Variants in MYO1E observed in about 807,000 individuals in gnomAD.
MYO1E encodes unconventional myosin-Ie.
A neutral mutation model predicts 151.1 loss-of-function variants in MYO1E; 68 were observed. That is an observed-to-expected ratio of 0.45 (90% CI 0.37 to 0.55). The LOEUF is 0.55. MYO1E is among the 20% of genes least tolerant of loss of function. The probability of loss-of-function intolerance (pLI) is 0.00; values close to 1 mark genes in which losing one functional copy is unlikely to be tolerated. For missense variants in MYO1E, 1,363 were observed against 1,389.3 expected, an observed-to-expected ratio of 0.98 and a Z score of 0.30; for synonymous variants, 601 against 501.7, an observed-to-expected ratio of 1.20 and a Z score of -2.64.
intron 22 of MYO1E, 57 bp from the exon 23 acceptor site, chr15:59,163,360 T>A: frequency 6.5e-7 from 1 of 1,547,792 alleles, no homozygotes; most frequent in Non-Finnish European, 8.8e-7. Context: ...TTTACTCTAT[T>A]GTTTTTTTTT....
At chr15:59,230,210 G>C (rs1489273815) in intron 6 of MYO1E, among the ~76,000 whole-genome samples, 3 of 119,970 alleles carry the variant, frequency 2.5e-5, no homozygotes, top group Middle Eastern at 3.9e-3. Flanking sequence ...GAGAGAGAGA[G>C]AGACAGTGTG....
At chr15:59,371,412 G>T (rs2080943580) in intron 1 of MYO1E, among the ~76,000 whole-genome samples, 1 of 149,240 alleles carries the variant, frequency 6.7e-6, no homozygotes, top group East Asian at 2.0e-4. Context: ...AGCAAGTGTG[G>T]AAACTATGAA....
At chr15:59,148,229 T>G (rs1053611464) in intron 26 of MYO1E, among the ~76,000 whole-genome samples, 1 of 151,986 alleles carries the variant, frequency 6.6e-6, no homozygotes, top group Non-Finnish European at 1.5e-5. Context: ...AGAAGGCACA[T>G]GGCTCAGTAA....
intron 15 of MYO1E, among the ~76,000 whole-genome samples, chr15:59,204,154 C>G (rs550383663): frequency 1.3e-5 from 2 of 152,114 alleles, no homozygotes; most frequent in African/African-American, 2.4e-5. Flanking sequence ...TTGTGGCTTA[C>G]CTAAACATCT....
At chr15:59,249,178 C>T (rs1391189037) in intron 4 of MYO1E, among the ~76,000 whole-genome samples, 1 of 152,216 alleles carries the variant, frequency 6.6e-6, no homozygotes, top group African/African-American at 2.4e-5. Flanking sequence ...AATCCCAGCA[C>T]TTTGGGAGGC....
chr15:59,272,669 T>C (rs149454954), intron 1 of MYO1E, among the ~76,000 whole-genome samples: 3 of 152,350 alleles, frequency 2.0e-5, no homozygotes, highest in South Asian at 2.1e-4. Flanking sequence ...CATGTGTCCC[T>C]GAAGTGACAC....
rs2079371637 is a variant in MYO1E at position 59,136,174 on chromosome 15, T to A, written c.*1206A>T. 6.6e-6 allele frequency: 1 copy of A among 152,494 alleles called. No individual in the cohort carries two copies. The highest frequency in any genetic ancestry group is 1.5e-5 in the Non-Finnish European group (1 of 68,282). The allele number at this position is 152,494 out of a possible 1,614,324, so 9.4% of individuals were successfully genotyped here. On this transcript the variant is annotated 3_prime_UTR_variant, in exon 28 of 28. Coordinates refer to ENST00000288235, the MANE Select transcript of MYO1E (RefSeq NM_004998.4). ...GTCTCTGTGTCCAAATTTCCCCTTT[T>A]CATCAGGACACCATTATATTGGATT...
At chr15:59,360,528 T>C (rs540897418) in intron 1 of MYO1E, among the ~76,000 whole-genome samples, 42 of 152,344 alleles carry the variant, frequency 2.8e-4, no homozygotes, top group African/African-American at 9.6e-4. Context: ...TTTGGCATGA[T>C]TCATTGCTCT....
At chr15:59,357,213 TAAG>T (rs2080859305) in intron 1 of MYO1E, among the ~76,000 whole-genome samples, 1 of 151,836 alleles carries the variant, frequency 6.6e-6, no homozygotes, top group African/African-American at 2.4e-5. Flanking sequence ...GTCCTCTCAT[TAAG>T]TTTTAAAATA....
chr15:59,256,482 T>A, intron 3 of MYO1E, 104 bp from the exon 4 acceptor site: 1 of 613,494 alleles, frequency 1.6e-6, no homozygotes, highest in South Asian at 2.3e-5. Context: ...TTTCCTGAAT[T>A]TGGAAACGAA....
chr15:59,171,004 T>C (rs1369486610), intron 22 of MYO1E, among the ~76,000 whole-genome samples: 11 of 152,128 alleles, frequency 7.2e-5, no homozygotes, highest in African/African-American at 2.7e-4. Context: ...TTTTCCTGAT[T>C]AAAGTAGTGT....
At chr15:59,200,639 C>T (rs1742153470) in intron 16 of MYO1E, among the ~76,000 whole-genome samples, 1 of 152,058 alleles carries the variant, frequency 6.6e-6, no homozygotes, top group Admixed American at 6.6e-5. Flanking sequence ...AAAAAAACAA[C>T]AATTAAGCAG....
intron 12 of MYO1E, among the ~76,000 whole-genome samples, chr15:59,213,136 T>TTTA (rs147109664): frequency 0.025 from 3,445 of 139,292 alleles, 74 homozygotes; most frequent in African/African-American, 0.059. Context: ...GAACTATTTA[T>TTTA]TTATTATTAT....
At chr15:59,292,022 G>A (rs2080422739) in intron 1 of MYO1E, among the ~76,000 whole-genome samples, 1 of 152,098 alleles carries the variant, frequency 6.6e-6, no homozygotes, top group East Asian at 1.9e-4. Flanking sequence ...ATGCTAAATA[G>A]CTAAATTCAG....
chr15:59,295,904 A>G (rs144521613), intron 1 of MYO1E, among the ~76,000 whole-genome samples: 13 of 152,256 alleles, frequency 8.5e-5, no homozygotes, highest in African/African-American at 3.1e-4. Context: ...CGGGGTTATT[A>G]TTAAGCTGAG....
At chr15:59,258,735 C>T (rs1421519608) in intron 3 of MYO1E, among the ~76,000 whole-genome samples, 2 of 152,060 alleles carry the variant, frequency 1.3e-5, no homozygotes, top group African/African-American at 4.8e-5. Context: ...TGCCTGTAGT[C>T]CCAGCTATTT....
intron 10 of MYO1E, among the ~76,000 whole-genome samples, chr15:59,216,231 A>C (rs1201618052): frequency 6.6e-6 from 1 of 152,088 alleles, no homozygotes; most frequent in African/African-American, 2.4e-5. Flanking sequence ...CTAGCTAGGA[A>C]TCTAGGGCCT....
intron 1 of MYO1E, among the ~76,000 whole-genome samples, chr15:59,324,644 G>A (rs775874803): frequency 1.0e-4 from 10 of 98,874 alleles, no homozygotes; most frequent in Non-Finnish European, 1.7e-4. Flanking sequence ...GTGTCTCGCC[G>A]TATTTATCCC....
intron 17 of MYO1E, among the ~76,000 whole-genome samples, 166 bp from the exon 18 acceptor site, chr15:59,188,382 G>A (rs758957963): frequency 1.3e-5 from 2 of 152,152 alleles, no homozygotes; most frequent in Non-Finnish European, 2.9e-5. Context: ...ATGACATAAT[G>A]CTAATTTTTA....
Sources: gnomAD v4.1 joint callset for allele counts (sites outside exome capture counted in the v4.1 genomes callset) on GRCh38, gnomAD v4.1.1 for gene constraint, MANE v1.5 for transcripts, NCBI Gene and HGNC (gene_info 2026-07-23, HGNC 2026-07-21) for gene names.